Variants in SUGCT observed in about 807,000 individuals in gnomAD.
SUGCT encodes the protein succinyl-CoA:glutarate CoA-transferase.
In SUGCT, 41 loss-of-function variants were observed where a neutral mutation model predicts 55.0. The ratio of observed to expected loss-of-function variants is 0.74; its 90% confidence interval spans 0.58 to 0.97. SUGCT has a LOEUF of 0.97. SUGCT is among the 50% of genes least tolerant of loss of function. The pLI, the probability that SUGCT is intolerant of heterozygous loss-of-function variation, is 0.00. For missense variants in SUGCT, 568 were observed against 547.8 expected, an observed-to-expected ratio of 1.04 and a Z score of -0.37; for synonymous variants, 187 against 200.4, an observed-to-expected ratio of 0.93 and a Z score of 0.56.
At chr7:40,328,695 AGAAAGTG>A (rs1429891021) in intron 9 of SUGCT, among the ~76,000 whole-genome samples, 3 of 151,990 alleles carry the variant, frequency 2.0e-5, no homozygotes, top group Non-Finnish European at 1.5e-5. Flanking sequence ...TTATTGAACA[AGAAAGTG>A]GGTTTTGTAC....
chr7:40,949,233 G>T, the SUGCT span, among the ~76,000 whole-genome samples: 1 of 152,174 alleles, frequency 6.6e-6, no homozygotes, highest in East Asian at 1.9e-4. Context: ...TCATGTGTCT[G>T]TTGGCTGCAT....
At chr7:40,534,428 A>T (rs182111986) in intron 12 of SUGCT, among the ~76,000 whole-genome samples, 9 of 151,966 alleles carry the variant, frequency 5.9e-5, no homozygotes, top group Non-Finnish European at 1.3e-4. Flanking sequence ...TCTGTCGCCT[A>T]GGCTTTAGTG....
chr7:40,887,372 G>T, the SUGCT span, among the ~76,000 whole-genome samples: 1 of 152,198 alleles, frequency 6.6e-6, no homozygotes. Context: ...AGTAGTAAGA[G>T]CAAGAGGTTG....
chr7:40,449,384 C>G (rs770217227), intron 10 of SUGCT, 26 bp downstream of exon 10: 1 of 1,570,524 alleles, frequency 6.4e-7, no homozygotes, highest in Non-Finnish European at 8.7e-7. Flanking sequence ...TGGGATTGGT[C>G]GATGATTTTG....
chr7:40,558,190 C>T (rs1298431369), intron 12 of SUGCT, among the ~76,000 whole-genome samples: 4 of 151,778 alleles, frequency 2.6e-5, no homozygotes, highest in African/African-American at 9.7e-5. Context: ...ATGGTGCAGC[C>T]TCTGTGAAAA....
the SUGCT span, among the ~76,000 whole-genome samples, chr7:40,905,314 TTC>T: frequency 6.6e-6 from 1 of 152,178 alleles, no homozygotes; most frequent in Non-Finnish European, 1.5e-5. Flanking sequence ...ACTTAAAACA[TTC>T]TCTCTTTTGA....
At chr7:40,814,407 T>C (rs182990505) in intron 13 of SUGCT, among the ~76,000 whole-genome samples, 2 of 152,224 alleles carry the variant, frequency 1.3e-5, no homozygotes, top group Admixed American at 6.5e-5. Flanking sequence ...AATTATTTTT[T>C]TCTTTATTTT....
the SUGCT span, among the ~76,000 whole-genome samples, chr7:40,901,648 T>G: frequency 6.6e-6 from 1 of 152,172 alleles, no homozygotes; most frequent in Non-Finnish European, 1.5e-5. Flanking sequence ...TGTGGCTTTC[T>G]TGGCACATAG....
At chr7:40,851,023 A>G (rs1206639973) in intron 13 of SUGCT, among the ~76,000 whole-genome samples, 2 of 152,168 alleles carry the variant, frequency 1.3e-5, no homozygotes, top group Non-Finnish European at 2.9e-5. Context: ...GCTTTATATG[A>G]CACTTTATAC....
intron 13 of SUGCT, among the ~76,000 whole-genome samples, chr7:40,833,800 T>C (rs1792820898): frequency 6.6e-6 from 1 of 152,186 alleles, no homozygotes; most frequent in South Asian, 2.1e-4. Flanking sequence ...AGAGTTCTCC[T>C]CTCCCACAGC....
At chr7:40,945,668 G>A in the SUGCT span, among the ~76,000 whole-genome samples, 1 of 152,120 alleles carries the variant, frequency 6.6e-6, no homozygotes, top group Non-Finnish European at 1.5e-5. Context: ...ATTTTCACAA[G>A]CAAAAGTTCT....
At chr7:40,792,018 C>A (rs1212457500) in intron 13 of SUGCT, among the ~76,000 whole-genome samples, 1 of 152,132 alleles carries the variant, frequency 6.6e-6, no homozygotes, top group Non-Finnish European at 1.5e-5. Context: ...GTCCTCTGGC[C>A]ACACATGATT....
chr7:40,404,443 T>G (rs1052699048), intron 9 of SUGCT, among the ~76,000 whole-genome samples: 10 of 147,988 alleles, frequency 6.8e-5, no homozygotes, highest in African/African-American at 2.4e-4. Flanking sequence ...CCACTTGACT[T>G]TTTTTTTTTT....
chr7:40,168,102 C>T (rs1037558998), intron 1 of SUGCT, among the ~76,000 whole-genome samples: 1 of 152,188 alleles, frequency 6.6e-6, no homozygotes, highest in Non-Finnish European at 1.5e-5. Context: ...CTCTTTACTA[C>T]CTGATTGGTT....
At chr7:40,314,462 C>T (rs1173391623) in intron 8 of SUGCT, among the ~76,000 whole-genome samples, 1 of 150,698 alleles carries the variant, frequency 6.6e-6, no homozygotes, top group Non-Finnish European at 1.5e-5. Flanking sequence ...AGAATAACAA[C>T]ATAGCTAGAT....
At chr7:40,867,777 A>G in the SUGCT span, among the ~76,000 whole-genome samples, 18 of 152,342 alleles carry the variant, frequency 1.2e-4, no homozygotes, top group Admixed American at 1.1e-3. Context: ...CGGCACAATT[A>G]GAAGTGTTCG....
chr7:40,931,931 T>TTTA, the SUGCT span, among the ~76,000 whole-genome samples: 1 of 152,244 alleles, frequency 6.6e-6, no homozygotes, highest in East Asian at 1.9e-4. Flanking sequence ...CCTTCAGTTC[T>TTTA]GTTCTGATCT....
intron 8 of SUGCT, among the ~76,000 whole-genome samples, chr7:40,298,103 C>T (rs1361663146): frequency 2.0e-5 from 3 of 151,050 alleles, no homozygotes; most frequent in Non-Finnish European, 4.4e-5. Flanking sequence ...AAGTTAGCTA[C>T]AAGCCATGCA....
chr7:41,016,766 C>T, the SUGCT span, among the ~76,000 whole-genome samples: 1 of 152,174 alleles, frequency 6.6e-6, no homozygotes, highest in Non-Finnish European at 1.5e-5. Flanking sequence ...ATTTTGGCAA[C>T]TTCCCAGGAT....
Sources: gnomAD v4.1 joint callset for allele counts (sites outside exome capture counted in the v4.1 genomes callset) on GRCh38, gnomAD v4.1.1 for gene constraint, MANE v1.5 for transcripts, NCBI Gene and HGNC (gene_info 2026-07-23, HGNC 2026-07-21) for gene names.